The following DNAH12 variants were observed in gnomAD, a reference collection of about 807,000 sequenced individuals.
DNAH12 encodes the protein axonemal beta dynein heavy chain 12.
In DNAH12, 285 loss-of-function variants were observed where a neutral mutation model predicts 371.5. The ratio of observed to expected loss-of-function variants is 0.77; its 90% CI spans 0.70 to 0.85. The LOEUF is 0.85. Ranked by LOEUF, DNAH12 falls within the 40% of genes least tolerant of loss-of-function variation. The pLI is 0.00. For synonymous variants in DNAH12, 1,200 were observed against 1,213.0 expected (o/e 0.99, Z 0.22); for missense variants, 3,611 against 3,689.4 (o/e 0.98, Z 0.55).
At chr3:57,467,079 A>T (rs1472795231) in intron 17 of DNAH12, among the ~76,000 whole-genome samples, 1 of 151,648 alleles carries the variant, frequency 6.6e-6, no homozygotes, top group East Asian at 2.0e-4. Flanking sequence ...AAACCTTTCT[A>T]TTTCTCTTCA....
chr3:57,356,364 G>C (rs1196941530), intron 59 of DNAH12, among the ~76,000 whole-genome samples: 1 of 151,832 alleles, frequency 6.6e-6, no homozygotes, highest in Non-Finnish European at 1.5e-5. Context: ...GATCACCTGA[G>C]CCTGGGAGGT....
At chr3:57,442,170 C>G (rs752431036) in intron 29 of DNAH12, among the ~76,000 whole-genome samples, 1 of 151,996 alleles carries the variant, frequency 6.6e-6, no homozygotes, top group East Asian at 1.9e-4. Flanking sequence ...CCAGAAGACC[C>G]ATATACACAC....
At chr3:57,489,477 T>A (rs903628708) in intron 12 of DNAH12, 32 bp downstream of exon 12, 170 of 1,474,596 alleles carry the variant, frequency 1.2e-4, no homozygotes, top group Non-Finnish European at 1.5e-4. Flanking sequence ...TTTAGCCATA[T>A]AATTCTGAGC....
intron 66 of DNAH12, among the ~76,000 whole-genome samples, chr3:57,311,895 A>G (rs923096696): frequency 3.3e-5 from 5 of 152,236 alleles, no homozygotes; most frequent in Admixed American, 2.6e-4. Context: ...ATAGTAATAA[A>G]AACTATCATT....
chr3:57,294,809 A>T (rs1302836216), intron 73 of DNAH12, among the ~76,000 whole-genome samples: 1 of 152,162 alleles, frequency 6.6e-6, no homozygotes, highest in Non-Finnish European at 1.5e-5. Context: ...CAGATATAAG[A>T]TATTAAGAGT....
chr3:57,417,642 T>C (rs2064420803), intron 37 of DNAH12, among the ~76,000 whole-genome samples: 1 of 152,168 alleles, frequency 6.6e-6, no homozygotes, highest in Non-Finnish European at 1.5e-5. Context: ...ACCTGTGTCT[T>C]TGTCACCAGT....
intron 4 of DNAH12, among the ~76,000 whole-genome samples, chr3:57,517,599 A>G (rs1239133070): frequency 2.0e-5 from 3 of 152,186 alleles, no homozygotes; most frequent in African/African-American, 7.2e-5. Context: ...TGAAATTTAA[A>G]TTCATTATTC....
intron 33 of DNAH12, among the ~76,000 whole-genome samples, chr3:57,429,229 T>A (rs1460446278): frequency 6.6e-6 from 1 of 151,464 alleles, no homozygotes; most frequent in African/African-American, 2.4e-5. Flanking sequence ...CAGGCTGGAG[T>A]GCAATGGTAC....
At chr3:57,478,435 T>A (rs367931327) in intron 13 of DNAH12, among the ~76,000 whole-genome samples, 22 of 152,138 alleles carry the variant, frequency 1.4e-4, no homozygotes, top group East Asian at 7.8e-4. Context: ...GAAAAGACCA[T>A]ATCTACGTCT....
chr3:57,470,583 T>A lies in DNAH12; in HGVS notation c.1965A>T (p.Ala655=), dbSNP rs747505884. Reference sequence around the variant, plus strand: ...CCTCTTCTTTATTAATAAACTGCACTGCTTCTTCAGATTCCTGAATACGTT... The same window carrying A: ...CCTCTTCTTTATTAATAAACTGCACAGCTTCTTCAGATTCCTGAATACGTT... The part of the protein sequence containing the change: ...LQKRIQESEE[A]VQFINKEEEL... Residue 655 remains alanine (A), a synonymous_variant, in exon 16 of 74, where the codon GCA becomes GCT. Coordinates refer to ENST00000495027, the MANE Select transcript of DNAH12 (RefSeq NM_001366028.2). 29 of 1,547,320 alleles carry A rather than the reference T, an allele frequency of 1.9e-5. No homozygotes were observed. Among genetic ancestry groups the A allele is most frequent in the Non-Finnish European group, 2.5e-5 (29 of 1,146,180 alleles).
chr3:57,421,506 T>C lies in DNAH12; in HGVS notation c.5562+12A>G. Reference sequence around the variant, plus strand: ...TGTTTTATCTTACCATAACAAGCTTTTTATGTCATACCTCATACATGTAGT... The same window carrying C: ...TGTTTTATCTTACCATAACAAGCTTCTTATGTCATACCTCATACATGTAGT... On this transcript the variant is annotated intron_variant, in intron 36 of 73. Transcript: ENST00000495027. 6.4e-7 allele frequency: 1 copy of C among 1,551,148 alleles called. No homozygotes were observed. The highest frequency in any genetic ancestry group is 8.7e-7 in the Non-Finnish European group (1 of 1,146,638).
At chr3:57,353,127 A>G (rs1425853337) in intron 59 of DNAH12, among the ~76,000 whole-genome samples, 2 of 117,588 alleles carry the variant, frequency 1.7e-5, no homozygotes, top group Non-Finnish European at 3.5e-5. Flanking sequence ...AAACATATGG[A>G]TAAATATAGT....
chr3:57,453,425 A>G (rs1187007911), intron 23 of DNAH12, 22 bp from the exon 24 acceptor site: 10 of 1,480,746 alleles, frequency 6.8e-6, no homozygotes, highest in Non-Finnish European at 8.1e-6. Context: ...AAAAAAAAGC[A>G]ATCTAATTGA....
intron 37 of DNAH12, among the ~76,000 whole-genome samples, chr3:57,416,971 C>T (rs890119218): frequency 6.6e-6 from 1 of 152,050 alleles, no homozygotes; most frequent in Non-Finnish European, 1.5e-5. Context: ...CAAACACAGG[C>T]CAGGCGCGGT....
At chr3:57,425,394 A>T (rs2064734570) in intron 34 of DNAH12, among the ~76,000 whole-genome samples, 1 of 149,676 alleles carries the variant, frequency 6.7e-6, no homozygotes, top group Admixed American at 6.7e-5. Context: ...ACTATAGGTG[A>T]GCACCACCAG....
chr3:57,299,025 G>T (rs1173964577), intron 70 of DNAH12, among the ~76,000 whole-genome samples: 4 of 152,178 alleles, frequency 2.6e-5, no homozygotes, highest in African/African-American at 9.6e-5. Context: ...AGCCAGTTTT[G>T]CTCCATAGGA....
chr3:57,367,201 G>C (rs1359501878), intron 56 of DNAH12, among the ~76,000 whole-genome samples: 1 of 152,114 alleles, frequency 6.6e-6, no homozygotes, highest in Non-Finnish European at 1.5e-5. Context: ...TGTCATGGTG[G>C]AACACACCTG....
chr3:57,445,953 A>C (rs1008313842), intron 27 of DNAH12, 78 bp downstream of exon 27: 2 of 1,360,308 alleles, frequency 1.5e-6, no homozygotes, highest in Non-Finnish European at 9.6e-7. Flanking sequence ...GCGCCACTGC[A>C]CTCCAGCCTG....
intron 36 of DNAH12, 149 bp downstream of exon 36, chr3:57,421,369 A>G (rs1480415362): frequency 1.6e-5 from 8 of 504,738 alleles, no homozygotes; most frequent in East Asian, 3.0e-5. Flanking sequence ...TATACAGCCA[A>G]TAAGTTATGG....
Sources: allele counts gnomAD v4.1 joint callset (sites outside exome capture counted in the v4.1 genomes callset), GRCh38; gene constraint gnomAD v4.1.1; transcripts MANE v1.5; gene names NCBI Gene and HGNC (gene_info 2026-07-23, HGNC 2026-07-21).